NIN: variants seen among roughly 807,000 people sequenced by gnomAD.
The protein encoded by NIN is glycogen synthase kinase 3 beta-interacting protein.
In NIN, 137 loss-of-function variants were observed where a neutral mutation model predicts 257.6. That is an observed-to-expected ratio of 0.53 (90% CI 0.46 to 0.61). The LOEUF (loss-of-function observed/expected upper bound fraction) is 0.61. NIN is among the 20% of genes least tolerant of loss of function. The probability of loss-of-function intolerance (pLI) is 0.00; values close to 1 mark genes in which losing one functional copy is unlikely to be tolerated. For synonymous variants in NIN, 918 were observed against 919.8 expected (o/e 1.00, Z 0.04); for missense variants, 2,439 against 2,501.2 (o/e 0.98, Z 0.53).
At chr14:50,823,795 C>T (rs970553666) in intron 2 of NIN, among the ~76,000 whole-genome samples, 3 of 152,194 alleles carry the variant, frequency 2.0e-5, no homozygotes, top group African/African-American at 7.2e-5. Flanking sequence ...GCTGTCTTCC[C>T]AGGATTGGTC....
intron 3 of NIN, among the ~76,000 whole-genome samples, chr14:50,814,489 T>C (rs1024154684): frequency 1.3e-5 from 2 of 152,156 alleles, no homozygotes; most frequent in African/African-American, 2.4e-5. Context: ...GTAAGGGAAA[T>C]AGTCTTCCCA....
rs142121688 is a variant in NIN, at chr14:50,746,879, CAG to C, written c.5064+1111_5064+1112del. Among the ~76,000 whole-genome samples the C allele has an allele frequency of 8.0e-3, 1,223 of 152,040 alleles. 19 individuals are homozygous for C. The highest frequency in any genetic ancestry group is 0.027 in the African/African-American group (1,137 of 41,462). ...TTTTTTCTTTCTTTCTTTTTTGAGACAGAGTATTCTGTCGCCCAGGCTGGAGT... is the reference window on the plus strand; with the variant it reads ...TTTTTTCTTTCTTTCTTTTTTGAGACAGTATTCTGTCGCCCAGGCTGGAGT... On this transcript the variant is annotated intron_variant, in intron 22 of 30. Coordinates refer to ENST00000530997, the MANE Select transcript of NIN (RefSeq NM_020921.4).
chr14:50,725,968 ATTCACT>A lies in NIN; in HGVS notation c.6171_6176del (p.Lys2057_Val2058del). 1 of 1,614,100 alleles carries A rather than the reference ATTCACT, an allele frequency of 6.2e-7. No individual in the cohort carries two copies. The highest frequency in any genetic ancestry group is 8.5e-7 in the Non-Finnish European group (1 of 1,179,960). On this transcript the variant is annotated inframe_deletion, in exon 30 of 31. Coordinates refer to ENST00000530997, the MANE Select transcript of NIN (RefSeq NM_020921.4). ...GTAGGCTCACTTGTTCTTTGAGCTG[ATTCACT>A]TTCTCTTGAAGAAGCCTTTTCACTA... is the stretch of plus-strand genomic sequence containing the variant.
chr14:50,829,938 C>T (rs2045625381), intron 2 of NIN, among the ~76,000 whole-genome samples: 1 of 152,312 alleles, frequency 6.6e-6, no homozygotes, highest in Admixed American at 6.5e-5. Context: ...CCATGCCACA[C>T]CTTTTAGGCA....
At chr14:50,826,528 A>G (rs1383225857) in intron 2 of NIN, among the ~76,000 whole-genome samples, 1 of 152,234 alleles carries the variant, frequency 6.6e-6, no homozygotes, top group African/African-American at 2.4e-5. Flanking sequence ...CCAGCTGATG[A>G]AATCACAGTG....
At chr14:50,820,456 G>A (rs985877502) in intron 3 of NIN, among the ~76,000 whole-genome samples, 1 of 152,120 alleles carries the variant, frequency 6.6e-6, no homozygotes, top group Non-Finnish European at 1.5e-5. Flanking sequence ...AGACTTTAAT[G>A]AGCATTAAAA....
intron 22 of NIN, among the ~76,000 whole-genome samples, chr14:50,745,379 C>T (rs2041491513): frequency 6.6e-6 from 1 of 152,146 alleles, no homozygotes; most frequent in Non-Finnish European, 1.5e-5. Context: ...CTATTGAAAA[C>T]CCATGCTTTA....
chr14:50,755,298 T>G (rs1157434521), intron 18 of NIN, among the ~76,000 whole-genome samples: 3 of 152,188 alleles, frequency 2.0e-5, no homozygotes, highest in Non-Finnish European at 4.4e-5. Flanking sequence ...AATTCTCTAT[T>G]GAAATCAAAG....
At chr14:50,767,563 A>T (rs1044645748) in intron 12 of NIN, among the ~76,000 whole-genome samples, 38 of 152,130 alleles carry the variant, frequency 2.5e-4, no homozygotes, top group African/African-American at 9.2e-4. Flanking sequence ...CACGCCTGTA[A>T]TCCCAGCACT....
At chr14:50,790,212 T>C (rs968107964) in intron 5 of NIN, among the ~76,000 whole-genome samples, 1 of 152,092 alleles carries the variant, frequency 6.6e-6, no homozygotes, top group African/African-American at 2.4e-5. Context: ...TGCACCACCA[T>C]GCTCAGTTAA....
At chr14:50,827,222 C>A (rs1469933105) in intron 2 of NIN, among the ~76,000 whole-genome samples, 4 of 152,078 alleles carry the variant, frequency 2.6e-5, no homozygotes, top group Non-Finnish European at 5.9e-5. Flanking sequence ...TTAGTAAAAG[C>A]TCAATAGAAA....
At chr14:50,816,430 C>T (rs7149295) in intron 3 of NIN, among the ~76,000 whole-genome samples, 125,491 of 152,208 alleles carry the variant, frequency 0.82, 51,983 homozygotes, top group Non-Finnish European at 0.87. Flanking sequence ...CTTCAAAGCC[C>T]GTGCTCTAAC....
chr14:50,722,311 G>A lies in NIN; in HGVS notation c.*1152C>T. ...AGAAATTCTTAGAATCAGATTTGAGGTATAGAAGGAATAAGAAACACAGAA... is the reference window on the plus strand; with the variant it reads ...AGAAATTCTTAGAATCAGATTTGAGATATAGAAGGAATAAGAAACACAGAA... On this transcript the variant is annotated 3_prime_UTR_variant, in exon 31 of 31. Transcript: ENST00000530997. The A allele has an allele frequency of 4.6e-6, 1 of 218,276 alleles. No individual in the cohort carries two copies. Among genetic ancestry groups the A allele is most frequent in the East Asian group, 6.8e-5 (1 of 14,794 alleles). The allele number at this position is 218,276 out of a possible 1,614,324, so 13.5% of individuals were successfully genotyped here. A position where few individuals can be genotyped will look rare whatever the true frequency, so the allele number is the denominator to read the frequency against.
chr14:50,730,637 A>C (rs1252432017), intron 28 of NIN, among the ~76,000 whole-genome samples: 1 of 152,174 alleles, frequency 6.6e-6, no homozygotes, highest in African/African-American at 2.4e-5. Flanking sequence ...CCCACTTTGA[A>C]ATACCTCTAG....
chr14:50,830,223 A>C (rs1425551532), intron 2 of NIN, among the ~76,000 whole-genome samples: 1 of 152,232 alleles, frequency 6.6e-6, no homozygotes, highest in Non-Finnish European at 1.5e-5. Flanking sequence ...GTCAAAGCAC[A>C]GAAGCGGCTT....
Position 50,729,567 on chromosome 14 carries a change from G to A in NIN, c.6034C>T (p.Gln2012Ter). The A allele has an allele frequency of 1.2e-6, 2 of 1,614,062 alleles. No homozygotes were observed. The highest frequency in any genetic ancestry group is 1.7e-6 in the Non-Finnish European group (2 of 1,179,980). Residue 2012 changes from glutamine (Q) to a stop codon, truncating the protein, a stop_gained, in exon 29 of 31, where the codon CAG (glutamine) becomes TAG (stop). Transcript: ENST00000530997. LOFTEE classifies it high-confidence loss of function. Reference protein sequence around the residue: ...LQAERINQHLQEELENRTSET... With the variant: ...LQAERINQHL Reference sequence around the variant, plus strand: ...GAGGTCCTGTTTTCAAGTTCCTCCTGCAGGTGCTGGTTTATCCTTTCTGCC... The same window carrying A: ...GAGGTCCTGTTTTCAAGTTCCTCCTACAGGTGCTGGTTTATCCTTTCTGCC...
chr14:50,772,371 T>C lies in NIN; in HGVS notation c.911A>G (p.His304Arg). The change falls in exon 9 of 31, where the codon CAT becomes CGT. Residue 304 changes from histidine (H) to arginine (R), a missense_variant. Physicochemically the swap from His to Arg is conservative, Grantham distance 29 (BLOSUM62 0). This residue lies in a region of NIN where 387 missense variants were observed against 427.3 expected (regional missense o/e 0.91). Transcript: ENST00000530997. Reference sequence around the variant, plus strand: ...GTCCAGTATTCTCTCCACAGATGCATGGCCCATCCCATCATCCAGGCAGGA... The same window carrying C: ...GTCCAGTATTCTCTCCACAGATGCACGGCCCATCCCATCATCCAGGCAGGA... ...VFSCLDDGMG[H>R]ASVERILDTW... The C allele has an allele frequency of 6.2e-7, 1 of 1,614,118 alleles. No homozygotes were observed.
chr14:50,726,934 A>G lies in NIN; in HGVS notation c.6079-868T>C, dbSNP rs889625319. 2.0e-5 allele frequency among the ~76,000 whole-genome samples: 3 copies of G among 152,210 alleles called. 1 individual carries two copies. In the South Asian group the frequency reaches 6.2e-4, roughly 32 times the overall value. ...GAGTCAAAGGCTACCATCTGTTTAG[A>G]TACTAAGTAGTAACACTTAATCATA... On this transcript the variant is annotated intron_variant, in intron 29 of 30. Coordinates refer to ENST00000530997, the MANE Select transcript of NIN (RefSeq NM_020921.4).
rs1458718101 is a variant in NIN, at chr14:50,743,334, G to C, written c.5301+82C>G. ...AACCCTCTTACGCTACTTCTACCTG[G>C]AACACTCTTTTTACCGGGATTTCTG... On this transcript the variant is annotated intron_variant, in intron 24 of 30. Coordinates refer to ENST00000530997, the MANE Select transcript of NIN (RefSeq NM_020921.4). 7 of 898,490 alleles carry C rather than the reference G, an allele frequency of 7.8e-6. No individual in the cohort carries two copies. In the East Asian group the frequency reaches 1.5e-4, roughly 19 times the overall value. 55.7% of individuals were successfully genotyped at this position (898,490 alleles called of 1,614,324 possible). A position where few individuals can be genotyped will look rare whatever the true frequency, so the allele number is the denominator to read the frequency against.
Sources: allele counts gnomAD v4.1 joint callset (sites outside exome capture counted in the v4.1 genomes callset), GRCh38; gene constraint gnomAD v4.1.1; regional missense constraint gnomAD v4.1.1; transcripts MANE v1.5; gene names NCBI Gene and HGNC (gene_info 2026-07-23, HGNC 2026-07-21).